The following AUTS2 variants were observed in gnomAD, a reference collection of about 807,000 sequenced individuals.
AUTS2 encodes the protein autism susceptibility gene 2 protein.
Under a neutral mutation model 112.4 loss-of-function variants are expected in AUTS2, and 17 were observed. The ratio of observed to expected loss-of-function variants is 0.15; its 90% CI spans 0.10 to 0.23. AUTS2 has a LOEUF of 0.23. Ranked by LOEUF, AUTS2 falls within the 10% of genes least tolerant of loss-of-function variation. The probability of loss-of-function intolerance (pLI) is 1.00; values close to 1 mark genes in which losing one functional copy is unlikely to be tolerated. For missense variants in AUTS2, 1,510 were observed against 1,701.6 expected (o/e 0.89, Z 1.98); for synonymous variants, 751 against 702.7 (o/e 1.07, Z -1.09).
intron 1 of AUTS2, among the ~76,000 whole-genome samples, chr7:69,809,650 G>A (rs752456857): frequency 6.6e-6 from 1 of 152,140 alleles, no homozygotes; most frequent in Non-Finnish European, 1.5e-5. Context: ...AAACCCTAGA[G>A]AGAGAGTAAC....
chr7:69,891,774 C>CTTTTTTTT (rs763424098), intron 1 of AUTS2, among the ~76,000 whole-genome samples: 306 of 26,736 alleles, frequency 0.011, 133 homozygotes, highest in East Asian at 0.023. Flanking sequence ...AGACAGATAT[C>CTTTTTTTT]TTTTTTTTTT....
rs150199527 is a variant in AUTS2, at chr7:70,608,151, T to A, written c.691-90418T>A. 4.4e-3 allele frequency among the ~76,000 whole-genome samples: 666 copies of A among 152,268 alleles called. 5 individuals carry two copies. The highest frequency in any genetic ancestry group is 0.015 in the African/African-American group (616 of 41,558). ...TAGGGTCTCATTCTGTTGCCCAGGA[T>A]GGACAGCAATGGCACAGTCATAGTT... On this transcript the variant is annotated intron_variant, in intron 5 of 18. Coordinates refer to ENST00000342771, the MANE Select transcript of AUTS2 (RefSeq NM_015570.4).
At chr7:70,287,917 CCTTAGATATTCCCAGTGGTGTTTTGAT>C (rs1445376778) in intron 4 of AUTS2, among the ~76,000 whole-genome samples, 3 of 152,022 alleles carry the variant, frequency 2.0e-5, no homozygotes, top group African/African-American at 7.2e-5. Flanking sequence ...ATATTTCAGC[CCTTAGATATTCCCAGTGGTGTTTTGAT>C]CTTAGATATT....
intron 1 of AUTS2, among the ~76,000 whole-genome samples, chr7:69,822,077 G>C (rs1220184072): frequency 2.0e-5 from 3 of 152,114 alleles, no homozygotes; most frequent in African/African-American, 7.2e-5. Flanking sequence ...GGGTTAGAAG[G>C]CTAGTCTAGT....
intron 1 of AUTS2, among the ~76,000 whole-genome samples, chr7:69,762,630 G>C (rs1228720784): frequency 6.6e-6 from 1 of 152,040 alleles, no homozygotes; most frequent in African/African-American, 2.4e-5. Context: ...CTTTAATCTA[G>C]TTGGGCTTCT....
intron 1 of AUTS2, among the ~76,000 whole-genome samples, chr7:69,614,030 T>G (rs1356722223): frequency 6.6e-6 from 1 of 152,230 alleles, no homozygotes; most frequent in Non-Finnish European, 1.5e-5. Context: ...TGAATATAAC[T>G]GTTAGATTTA....
intron 5 of AUTS2, among the ~76,000 whole-genome samples, chr7:70,648,643 G>A (rs889795855): frequency 2.0e-5 from 3 of 152,104 alleles, no homozygotes; most frequent in Admixed American, 6.5e-5. Flanking sequence ...GTGCAGTGGC[G>A]TAATCTTGGC....
At chr7:70,192,892 C>A (rs955535139) in intron 4 of AUTS2, among the ~76,000 whole-genome samples, 1 of 152,244 alleles carries the variant, frequency 6.6e-6, no homozygotes, top group Middle Eastern at 3.4e-3. Flanking sequence ...AGCCTCCTTG[C>A]ATTTGTTGTA....
chr7:69,712,731 G>A (rs1052529333), intron 1 of AUTS2, among the ~76,000 whole-genome samples: 1 of 152,084 alleles, frequency 6.6e-6, no homozygotes, highest in Non-Finnish European at 1.5e-5. Flanking sequence ...TCTCTTGGGT[G>A]ATTATGTAGG....
At chr7:69,997,609 T>C (rs1799004704) in intron 2 of AUTS2, among the ~76,000 whole-genome samples, 1 of 152,124 alleles carries the variant, frequency 6.6e-6, no homozygotes, top group Non-Finnish European at 1.5e-5. Context: ...TGTTTACTAA[T>C]GGCAGAAGGG....
At chr7:70,174,735 C>T (rs535536142) in intron 4 of AUTS2, among the ~76,000 whole-genome samples, 1 of 152,270 alleles carries the variant, frequency 6.6e-6, no homozygotes, top group African/African-American at 2.4e-5. Context: ...GGGATGACAG[C>T]ACATCTGTTT....
intron 4 of AUTS2, among the ~76,000 whole-genome samples, chr7:70,296,499 GTA>G (rs1788940766): frequency 6.6e-6 from 1 of 152,068 alleles, no homozygotes; most frequent in Non-Finnish European, 1.5e-5. Context: ...CAGCATATAC[GTA>G]CAGTTTTGTG....
At chr7:70,496,061 C>T (rs542826365) in intron 5 of AUTS2, among the ~76,000 whole-genome samples, 26 of 141,254 alleles carry the variant, frequency 1.8e-4, no homozygotes, top group African/African-American at 7.0e-4. Context: ...GCATCTATCA[C>T]ACACCCCACT....
intron 5 of AUTS2, among the ~76,000 whole-genome samples, chr7:70,644,818 A>G (rs1806061802): frequency 6.6e-6 from 1 of 152,108 alleles, no homozygotes; most frequent in African/African-American, 2.4e-5. Flanking sequence ...TCACCCTTGT[A>G]TATTCCTCAC....
rs535068209 is a variant in AUTS2, at chr7:70,293,721, C to T, written c.661-142031C>T. Reference sequence around the variant, plus strand: ...CGTCTCAGGGACACCATTTCTTTCCCGCTATTAGAGTGTCTGGATGATGCC... The same window carrying T: ...CGTCTCAGGGACACCATTTCTTTCCTGCTATTAGAGTGTCTGGATGATGCC... On this transcript the variant is annotated intron_variant, in intron 4 of 18. Coordinates refer to ENST00000342771, the MANE Select transcript of AUTS2 (RefSeq NM_015570.4). The T allele has an allele frequency of 5.9e-5, 9 of 152,278 alleles. No individual in the cohort carries two copies. In the East Asian group the frequency reaches 9.7e-4, roughly 16 times the overall value. 9.4% of individuals were successfully genotyped at this position (152,278 alleles called of 1,614,324 possible). A position where few individuals can be genotyped will look rare whatever the true frequency, so the allele number is the denominator to read the frequency against.
chr7:70,575,106 G>A (rs192043159), intron 5 of AUTS2, among the ~76,000 whole-genome samples: 20 of 152,184 alleles, frequency 1.3e-4, no homozygotes, highest in East Asian at 1.9e-4. Context: ...GACAGCGAAG[G>A]CTTTATTAAA....
intron 2 of AUTS2, among the ~76,000 whole-genome samples, chr7:69,942,017 AC>A (rs991173253): frequency 6.6e-6 from 1 of 152,232 alleles, no homozygotes; most frequent in African/African-American, 2.4e-5. Flanking sequence ...TCCATCAGGC[AC>A]CTGAATAACT....
chr7:70,394,839 A>T (rs1185997946), intron 4 of AUTS2, among the ~76,000 whole-genome samples: 1 of 151,830 alleles, frequency 6.6e-6, no homozygotes, highest in African/African-American at 2.4e-5. Context: ...ATGCTTTGGG[A>T]GGCCAAAGTG....
intron 6 of AUTS2, among the ~76,000 whole-genome samples, chr7:70,761,553 T>C (rs1007840714): frequency 6.6e-6 from 1 of 152,216 alleles, no homozygotes; most frequent in African/African-American, 2.4e-5. Context: ...GAAGGATAAT[T>C]TTCCCCCAGT....
Sources: gnomAD v4.1 joint callset for allele counts (sites outside exome capture counted in the v4.1 genomes callset) on GRCh38, gnomAD v4.1.1 for gene constraint, MANE v1.5 for transcripts, NCBI Gene and HGNC (gene_info 2026-07-23, HGNC 2026-07-21) for gene names.